NEGR1: variants seen among roughly 807,000 people sequenced by gnomAD.
The protein encoded by NEGR1 is neuronal growth regulator 1.
In NEGR1, 10 loss-of-function variants were observed where a neutral mutation model predicts 40.9. That is an observed-to-expected ratio of 0.24 (90% CI 0.15 to 0.42). The LOEUF is 0.42. Among genes scored for constraint, NEGR1 ranks in the 10% least tolerant of loss-of-function variants. The pLI, the probability that NEGR1 is intolerant of heterozygous loss-of-function variation, is 1.00. For missense variants in NEGR1, 352 were observed against 438.9 expected, an observed-to-expected ratio of 0.80 and a Z score of 1.77; for synonymous variants, 185 against 166.8, an observed-to-expected ratio of 1.11 and a Z score of -0.84.
At chr1:71,431,888 T>C (rs1465812715) in intron 6 of NEGR1, among the ~76,000 whole-genome samples, 2 of 152,106 alleles carry the variant, frequency 1.3e-5, no homozygotes, top group Non-Finnish European at 2.9e-5. Flanking sequence ...AGTAATGAGA[T>C]GAGCTATGAA....
intron 1 of NEGR1, among the ~76,000 whole-genome samples, chr1:72,124,332 G>T (rs540271414): frequency 6.6e-6 from 1 of 151,722 alleles, no homozygotes; most frequent in Non-Finnish European, 1.5e-5. Flanking sequence ...TACTATTATG[G>T]CCCTGCTTAC....
At chr1:71,419,111 A>G (rs1054223439) in intron 6 of NEGR1, among the ~76,000 whole-genome samples, 2 of 152,112 alleles carry the variant, frequency 1.3e-5, no homozygotes, top group East Asian at 1.9e-4. Context: ...TACCAGTTCA[A>G]TAGTGTATTA....
At chr1:71,688,327 T>TATATATATATATAGAG (rs1472584264) in intron 4 of NEGR1, among the ~76,000 whole-genome samples, 1 of 97,792 alleles carries the variant, frequency 1.0e-5, no homozygotes. Context: ...TATATATATA[T>TATATATATATATAGAG]AGATAGATAG....
intron 1 of NEGR1, among the ~76,000 whole-genome samples, chr1:72,054,288 C>T (rs1482581322): frequency 6.6e-6 from 1 of 151,284 alleles, no homozygotes; most frequent in Non-Finnish European, 1.5e-5. Flanking sequence ...CTGCATTTGA[C>T]TCTGTGCATT....
At chr1:71,765,734 A>G (rs1370904395) in intron 3 of NEGR1, among the ~76,000 whole-genome samples, 1 of 152,140 alleles carries the variant, frequency 6.6e-6, no homozygotes, top group Non-Finnish European at 1.5e-5. Flanking sequence ...CACTATTCCT[A>G]AAAAGGTTTT....
At chr1:71,859,993 AAAG>A (rs1333632231) in intron 2 of NEGR1, among the ~76,000 whole-genome samples, 1 of 152,008 alleles carries the variant, frequency 6.6e-6, no homozygotes, top group African/African-American at 2.4e-5. Flanking sequence ...ATGATTAATA[AAAG>A]AAGAAGAGCT....
At chr1:71,713,064 C>A (rs1457764191) in intron 3 of NEGR1, among the ~76,000 whole-genome samples, 1 of 152,156 alleles carries the variant, frequency 6.6e-6, no homozygotes, top group East Asian at 1.9e-4. Context: ...CTAATACAGC[C>A]AGTATATTAT....
At chr1:71,966,817 A>C (rs1015014062) in intron 1 of NEGR1, among the ~76,000 whole-genome samples, 1 of 152,146 alleles carries the variant, frequency 6.6e-6, no homozygotes, top group Non-Finnish European at 1.5e-5. Flanking sequence ...CTCTGTGGCA[A>C]ACAGAAAATA....
chr1:71,944,679 A>G (rs12407268), intron 1 of NEGR1, among the ~76,000 whole-genome samples: 17,947 of 152,212 alleles, frequency 0.12, 1,149 homozygotes, highest in Middle Eastern at 0.21. Context: ...AAAAAGCAAA[A>G]TGAATTCTGT....
intron 1 of NEGR1, among the ~76,000 whole-genome samples, chr1:72,027,056 G>C (rs533988098): frequency 6.6e-6 from 1 of 152,198 alleles, no homozygotes; most frequent in African/African-American, 2.4e-5. Flanking sequence ...GTCCAGAGCA[G>C]GTGGGACTAC....
intron 6 of NEGR1, among the ~76,000 whole-genome samples, chr1:71,580,003 C>A (rs1034650294): frequency 1.9e-4 from 29 of 152,108 alleles, no homozygotes; most frequent in African/African-American, 6.8e-4. Context: ...CACACACATG[C>A]ACACGTATGC....
In NEGR1 at chr1:71,929,461, T is replaced by C. The variant is rs565169099; in HGVS notation, c.409+5618A>G. Among the ~76,000 whole-genome samples the C allele has an allele frequency of 3.9e-5, 6 of 152,282 alleles. No homozygotes were observed. In the South Asian group the frequency reaches 1.0e-3, roughly 26 times the overall value. Reference sequence around the variant, plus strand: ...GAGCATGTCCAAGATTGGGTTCCCATGTATAATCTTGATCTCCTCCACAGG... The same window carrying C: ...GAGCATGTCCAAGATTGGGTTCCCACGTATAATCTTGATCTCCTCCACAGG... On this transcript the variant is annotated intron_variant, in intron 2 of 6. Coordinates refer to ENST00000357731, the MANE Select transcript of NEGR1 (RefSeq NM_173808.3).
intron 2 of NEGR1, among the ~76,000 whole-genome samples, chr1:71,927,851 A>AAAAAAAAAAAAAAAAAAAG (rs1557437874): frequency 8.0e-6 from 1 of 125,314 alleles, no homozygotes; most frequent in African/African-American, 3.2e-5. Flanking sequence ...AAAAAAAAAA[A>AAAAAAAAAAAAAAAAAAAG]GCCAGGCAGA....
At chr1:72,093,317 T>C (rs1648565580) in intron 1 of NEGR1, among the ~76,000 whole-genome samples, 1 of 78,694 alleles carries the variant, frequency 1.3e-5, no homozygotes, top group Non-Finnish European at 2.3e-5. Flanking sequence ...GTGCCAGAGC[T>C]AGACTCTGCC....
intron 1 of NEGR1, among the ~76,000 whole-genome samples, chr1:72,231,843 A>G (rs1654376620): frequency 6.6e-6 from 1 of 152,282 alleles, no homozygotes; most frequent in South Asian, 2.1e-4. Flanking sequence ...GTAGAGCTTC[A>G]CAAAGAAAGT....
intron 6 of NEGR1, among the ~76,000 whole-genome samples, chr1:71,481,822 G>C (rs540992249): frequency 6.6e-6 from 1 of 151,776 alleles, no homozygotes; most frequent in South Asian, 2.1e-4. Context: ...TGTTTGCCTG[G>C]TGCAGAAATG....
intron 6 of NEGR1, among the ~76,000 whole-genome samples, chr1:71,520,050 C>T (rs1290446442): frequency 6.6e-6 from 1 of 151,820 alleles, no homozygotes; most frequent in Non-Finnish European, 1.5e-5. Flanking sequence ...ATTTGTGGGT[C>T]CCTAAAAATA....
intron 3 of NEGR1, among the ~76,000 whole-genome samples, chr1:71,740,382 A>T (rs904526722): frequency 6.6e-6 from 1 of 152,172 alleles, no homozygotes; most frequent in Admixed American, 6.5e-5. Context: ...AGATACTGAG[A>T]TTAATATAAA....
At chr1:71,467,088 C>T (rs1646751609) in intron 6 of NEGR1, among the ~76,000 whole-genome samples, 1 of 152,152 alleles carries the variant, frequency 6.6e-6, no homozygotes, top group Non-Finnish European at 1.5e-5. Flanking sequence ...AAAACATATT[C>T]ACATACATTA....
Sources: allele counts gnomAD v4.1 joint callset (sites outside exome capture counted in the v4.1 genomes callset), GRCh38; gene constraint gnomAD v4.1.1; transcripts MANE v1.5; gene names NCBI Gene and HGNC (gene_info 2026-07-23, HGNC 2026-07-21).